The following RBM26 variants were observed in gnomAD, a reference collection of about 807,000 sequenced individuals.
The protein encoded by RBM26 is RNA binding motif protein 26.
A neutral mutation model predicts 123.6 loss-of-function variants in RBM26; 30 were observed. The observed-to-expected ratio is 0.24, with a 90% confidence interval of 0.18 to 0.33. The LOEUF (loss-of-function observed/expected upper bound fraction) is 0.33, where lower values mean the gene tolerates loss of function less well. Ranked by LOEUF, RBM26 falls within the 10% of genes least tolerant of loss-of-function variation. RBM26 has a pLI of 1.00. For missense variants in RBM26, 947 were observed against 1,203.6 expected, an observed-to-expected ratio of 0.79 and a Z score of 3.15; for synonymous variants, 400 against 404.4, an observed-to-expected ratio of 0.99 and a Z score of 0.13.
Position 79,366,225 on chromosome 13 carries a change from T to A in RBM26, c.1136-30A>T, listed in dbSNP as rs771412695. 5 of 1,597,894 alleles carry A rather than the reference T, an allele frequency of 3.1e-6. No individual in the cohort carries two copies. The South Asian group carries it at 4.5e-5, about 15-fold the overall frequency. The stretch of plus-strand genomic sequence containing the variant: ...CAAAACCAAAGAATAAGAAATATCA[T>A]CTGAAAGCAAACAAATAAAACAAGT... On this transcript the variant is annotated intron_variant, in intron 7 of 21. Coordinates refer to ENST00000438737, the MANE Select transcript of RBM26 (RefSeq NM_001366735.2).
intron 14 of RBM26, 137 bp from the exon 15 acceptor site, chr13:79,344,931 T>C (rs889266255): frequency 5.5e-6 from 4 of 724,944 alleles, no homozygotes; most frequent in Non-Finnish European, 6.3e-6. Flanking sequence ...TTTATACTTA[T>C]AATAACGAAA....
At chr13:79,385,294 T>C (rs775345014) in intron 1 of RBM26, among the ~76,000 whole-genome samples, 3 of 152,204 alleles carry the variant, frequency 2.0e-5, no homozygotes, top group Admixed American at 6.5e-5. Flanking sequence ...ATTACTTATA[T>C]ACAGTAATTA....
chr13:79,381,125 A>T (rs187075399), intron 1 of RBM26, among the ~76,000 whole-genome samples: 1 of 152,178 alleles, frequency 6.6e-6, no homozygotes, highest in East Asian at 1.9e-4. Flanking sequence ...CTAATTTTAC[A>T]TACTATATTG....
chr13:79,351,658 A>G (rs1346883153), intron 14 of RBM26, among the ~76,000 whole-genome samples: 1 of 152,162 alleles, frequency 6.6e-6, no homozygotes, highest in African/African-American at 2.4e-5. Flanking sequence ...AAATAAAATA[A>G]TAAAAGTCAG....
At chr13:79,329,665 T>C (rs2068989114) in intron 20 of RBM26, among the ~76,000 whole-genome samples, 1 of 152,158 alleles carries the variant, frequency 6.6e-6, no homozygotes, top group Non-Finnish European at 1.5e-5. Context: ...GCAATGGATT[T>C]GTACCCATAA....
intron 9 of RBM26, 82 bp downstream of exon 9, chr13:79,365,496 G>C: frequency 8.8e-7 from 1 of 1,133,758 alleles, no homozygotes; most frequent in Non-Finnish European, 1.3e-6. Context: ...CCCCAATAAA[G>C]GCAAGACCAA....
At chr13:79,329,888 C>A (rs184549479) in intron 20 of RBM26, among the ~76,000 whole-genome samples, 1 of 151,990 alleles carries the variant, frequency 6.6e-6, no homozygotes, top group Non-Finnish European at 1.5e-5. Context: ...AGCCAACCTA[C>A]GTTAAAACCT....
intron 5 of RBM26, among the ~76,000 whole-genome samples, chr13:79,369,666 G>C (rs1224368926): frequency 6.6e-6 from 1 of 152,140 alleles, no homozygotes; most frequent in Admixed American, 6.5e-5. Context: ...AAGTGTTTTA[G>C]GTGTTTTACG....
At chr13:79,400,514 C>T (rs982491832) in intron 1 of RBM26, among the ~76,000 whole-genome samples, 3 of 152,054 alleles carry the variant, frequency 2.0e-5, no homozygotes, top group Admixed American at 6.5e-5. Flanking sequence ...TAATACTTAA[C>T]GAAATTAAAT....
rs1566472923 is a variant in RBM26, at chr13:79,366,757, A to C, written c.1011T>G (p.Val337=). 1 of 1,613,928 alleles carries C rather than the reference A, an allele frequency of 6.2e-7. No homozygotes were observed. Among genetic ancestry groups the C allele is most frequent in the Middle Eastern group, 1.7e-4 (1 of 6,060 alleles). The part of the protein sequence containing the change: ...GMLPFPAQPP[V]VEGPPPPGLP... The stretch of plus-strand genomic sequence containing the variant: ...GTCCAGGAGGAGGTGGTCCTTCAAC[A>C]ACAGGAGGCTGTGCTGGGAAAGGCA... The change falls in exon 7 of 22, where the codon GTT becomes GTG. Residue 337 remains valine, a synonymous_variant. Coordinates refer to ENST00000438737, the MANE Select transcript of RBM26 (RefSeq NM_001366735.2).
rs760643550 is a variant in RBM26 at position 79,366,751 on chromosome 13, T to C, written c.1017A>G (p.Glu339=). The C allele has an allele frequency of 4.3e-6, 7 of 1,613,638 alleles. No individual in the cohort carries two copies. The highest frequency in any genetic ancestry group is 2.2e-5 in the South Asian group (2 of 91,060). Reference sequence around the variant, plus strand: ...GGGGGAGTCCAGGAGGAGGTGGTCCTTCAACAACAGGAGGCTGTGCTGGGA... The same window carrying C: ...GGGGGAGTCCAGGAGGAGGTGGTCCCTCAACAACAGGAGGCTGTGCTGGGA... The part of the protein sequence containing the change: ...LPFPAQPPVV[E]GPPPPGLPPP... The change falls in exon 7 of 22, where the codon GAA becomes GAG. Residue 339 remains glutamate, a synonymous_variant. Transcript: ENST00000438737.
intron 14 of RBM26, among the ~76,000 whole-genome samples, chr13:79,351,853 G>GTATATATATA (rs2073285320): frequency 6.6e-6 from 1 of 152,084 alleles, no homozygotes; most frequent in African/African-American, 2.4e-5. Context: ...GATGGTGACA[G>GTATATATATA]TATAAACTAG....
At chr13:79,364,511 AG>A (rs2139821883) in intron 9 of RBM26, among the ~76,000 whole-genome samples, 1 of 152,354 alleles carries the variant, frequency 6.6e-6, no homozygotes, top group South Asian at 2.1e-4. Flanking sequence ...TGAGGTGGTT[AG>A]GGAAAAAGAT....
In RBM26 at chr13:79,366,673, T is replaced by A; in HGVS notation, c.1095A>T (p.Pro365=). The A allele has an allele frequency of 1.3e-6, 2 of 1,573,720 alleles. No homozygotes were observed. Among genetic ancestry groups the A allele is most frequent in the Non-Finnish European group, 1.7e-6 (2 of 1,158,634 alleles). Residue 365 remains proline (P), a synonymous_variant, in exon 7 of 22, where the codon CCA becomes CCT. Transcript: ENST00000438737. ...GACTGGGTGGCAATGGACCTGGCGG[T>A]GGTACTGGGGGCCTGAGATTCACAG... ...PPPVNLRPPV[P]PPGPLPPSLP...
intron 1 of RBM26, among the ~76,000 whole-genome samples, chr13:79,384,000 C>T (rs2077275459): frequency 6.6e-6 from 1 of 152,074 alleles, no homozygotes; most frequent in Admixed American, 6.6e-5. Flanking sequence ...AGCCTAAGGC[C>T]TACTTGACCT....
At chr13:79,324,368 T>C (rs1044140909) in intron 20 of RBM26, among the ~76,000 whole-genome samples, 1 of 151,934 alleles carries the variant, frequency 6.6e-6, no homozygotes, top group Non-Finnish European at 1.5e-5. Flanking sequence ...ATTATATATT[T>C]AGCATAATTA....
At chr13:79,397,470 T>C (rs1019596683) in intron 1 of RBM26, among the ~76,000 whole-genome samples, 1 of 151,304 alleles carries the variant, frequency 6.6e-6, no homozygotes, top group African/African-American at 2.4e-5. Flanking sequence ...GGTCAGGAGA[T>C]CGAGACCATC....
chr13:79,403,643 G>T (rs1349981880), intron 1 of RBM26, among the ~76,000 whole-genome samples: 1 of 152,152 alleles, frequency 6.6e-6, no homozygotes. Context: ...TTACAGTTGA[G>T]GAAATGGAAG....
intron 16 of RBM26, among the ~76,000 whole-genome samples, chr13:79,343,729 T>A (rs999913828): frequency 4.6e-5 from 7 of 151,934 alleles, no homozygotes; most frequent in Non-Finnish European, 8.8e-5. Context: ...TAACCTAATA[T>A]ATCCAAAATG....
Sources: gnomAD v4.1 joint callset for allele counts (sites outside exome capture counted in the v4.1 genomes callset) on GRCh38, gnomAD v4.1.1 for gene constraint, MANE v1.5 for transcripts, NCBI Gene and HGNC (gene_info 2026-07-23, HGNC 2026-07-21) for gene names.